NAV3: variants seen among roughly 807,000 people sequenced by gnomAD.
The protein encoded by NAV3 is neuron navigator 3.
NAV3 carries 87 observed loss-of-function variants against 244.7 expected under a neutral mutation model. That is an observed-to-expected ratio of 0.36 (90% confidence interval 0.30 to 0.42). The LOEUF (loss-of-function observed/expected upper bound fraction) is 0.42. Ranked by LOEUF, NAV3 falls within the 20% of genes least tolerant of loss-of-function variation. NAV3 has a pLI of 1.00. For synonymous variants in NAV3, 1,126 were observed against 1,042.2 expected, an observed-to-expected ratio of 1.08 and a Z score of -1.55; for missense variants, 2,663 against 2,893.3, an observed-to-expected ratio of 0.92 and a Z score of 1.83.
intron 9 of NAV3, chr12:78,036,835 A>G (rs569273801): frequency 1.4e-4 from 95 of 655,984 alleles, no homozygotes; most frequent in African/African-American, 6.5e-4. Context: ...ATGAAGTCCA[A>G]TTGAAAGGAA....
intron 1 of NAV3, among the ~76,000 whole-genome samples, chr12:77,853,200 G>A (rs1485337881): frequency 1.3e-5 from 2 of 152,118 alleles, no homozygotes; most frequent in Non-Finnish European, 2.9e-5. Context: ...TGATTTTGTT[G>A]TAGTTTTAAG....
chr12:77,928,966 G>A (rs1188039843), intron 1 of NAV3, among the ~76,000 whole-genome samples: 1 of 152,182 alleles, frequency 6.6e-6, no homozygotes, highest in Non-Finnish European at 1.5e-5. Context: ...GAGTTCAGGA[G>A]GTCAATGTTG....
intron 12 of NAV3, among the ~76,000 whole-genome samples, chr12:78,095,464 G>C (rs148602888): frequency 6.6e-6 from 1 of 151,916 alleles, no homozygotes; most frequent in Non-Finnish European, 1.5e-5. Context: ...GTGACTATTC[G>C]TAGGTAAACA....
chr12:77,886,443 C>T (rs1883295197), intron 1 of NAV3, among the ~76,000 whole-genome samples: 1 of 152,120 alleles, frequency 6.6e-6, no homozygotes, highest in African/African-American at 2.4e-5. Context: ...GAATCTAAAT[C>T]CCTCAAGGAT....
At chr12:78,173,125 C>T (rs937280526) in intron 24 of NAV3, among the ~76,000 whole-genome samples, 2 of 151,498 alleles carry the variant, frequency 1.3e-5, no homozygotes, top group Non-Finnish European at 3.0e-5. Flanking sequence ...GATATTCATT[C>T]GGTTAGCCAT....
At chr12:78,189,918 A>G (rs1593979566) in intron 33 of NAV3, 66 bp from the exon 34 acceptor site, 8 of 1,206,258 alleles carry the variant, frequency 6.6e-6, no homozygotes, top group Non-Finnish European at 9.7e-6. Flanking sequence ...GCTGTTTAGC[A>G]TGATATTTTA....
chr12:78,010,881 T>C (rs966450775), intron 8 of NAV3: 1 of 152,072 alleles, frequency 6.6e-6, no homozygotes, highest in South Asian at 2.1e-4. Context: ...AAATGCTTCA[T>C]AGTACTCTTT....
intron 2 of NAV3, among the ~76,000 whole-genome samples, chr12:77,765,229 C>T (rs1249956051): frequency 6.6e-6 from 1 of 152,204 alleles, no homozygotes; most frequent in Non-Finnish European, 1.5e-5. Flanking sequence ...GACCCTTTTG[C>T]CAGCCACTTT....
At chr12:77,984,142 T>C (rs1015593821) in intron 5 of NAV3, among the ~76,000 whole-genome samples, 5 of 152,304 alleles carry the variant, frequency 3.3e-5, no homozygotes, top group South Asian at 2.1e-4. Flanking sequence ...GTGGGACTTA[T>C]GTTGTTGACT....
chr12:77,699,190 G>A (rs1461050057), intron 2 of NAV3, among the ~76,000 whole-genome samples: 2 of 152,066 alleles, frequency 1.3e-5, no homozygotes, highest in Non-Finnish European at 2.9e-5. Flanking sequence ...CACGCTGGCT[G>A]TCTAGGGAGA....
chr12:77,791,794 A>G (rs1446011953), intron 2 of NAV3, among the ~76,000 whole-genome samples: 2 of 152,218 alleles, frequency 1.3e-5, no homozygotes, highest in African/African-American at 4.8e-5. Context: ...TTCACAGACT[A>G]TTTCTTGTTC....
At chr12:77,598,038 T>C (rs990282222) in intron 2 of NAV3, among the ~76,000 whole-genome samples, 35 of 152,078 alleles carry the variant, frequency 2.3e-4, no homozygotes, top group African/African-American at 7.5e-4. Context: ...TCTATTTCAA[T>C]TGTATAACAA....
intron 5 of NAV3, among the ~76,000 whole-genome samples, chr12:77,970,230 C>G (rs138549524): frequency 3.2e-4 from 49 of 152,238 alleles, no homozygotes; most frequent in African/African-American, 1.1e-3. Flanking sequence ...AAATATTTAA[C>G]TTTGTCCACC....
rs115258038 is a variant in NAV3 at position 78,030,251 on chromosome 12, T to C, written c.2023+8389T>C. Reference sequence around the variant, plus strand: ...CAGAATTCTAAAGCTCATGAGATGTTTTCTATATTAATGATGCCTCTCTTT... The same window carrying C: ...CAGAATTCTAAAGCTCATGAGATGTCTTCTATATTAATGATGCCTCTCTTT... On this transcript the variant is annotated intron_variant, in intron 9 of 39. Transcript: ENST00000397909. 3.4e-3 allele frequency among the ~76,000 whole-genome samples: 519 copies of C among 152,274 alleles called. 6 individuals are homozygous for C. The highest frequency in any genetic ancestry group is 0.012 in the African/African-American group (491 of 41,566).
intron 2 of NAV3, among the ~76,000 whole-genome samples, chr12:77,785,058 G>A (rs1870842161): frequency 6.6e-6 from 1 of 152,096 alleles, no homozygotes; most frequent in South Asian, 2.1e-4. Flanking sequence ...ACTCACAAAA[G>A]CAAAATGAGA....
chr12:77,723,729 G>A lies in NAV3; in HGVS notation c.72+151463G>A, dbSNP rs532918559. On this transcript the variant is annotated intron_variant, in intron 2 of 8. Transcript: ENST00000550042. Reference sequence around the variant, plus strand: ...CTTTCTGAGTCTCCACACAGATTTCGAGGAGTTTCTTCTTGGCAATCTTGA... The same window carrying A: ...CTTTCTGAGTCTCCACACAGATTTCAAGGAGTTTCTTCTTGGCAATCTTGA... Among the ~76,000 whole-genome samples, 38 of 135,420 alleles carry A rather than the reference G, an allele frequency of 2.8e-4. No homozygotes were observed. The East Asian group carries it at 4.0e-3, about 14-fold the overall frequency. The allele number at this position is 135,420 out of a possible 152,430, so 88.8% of individuals were successfully genotyped here. A position where few individuals can be genotyped will look rare whatever the true frequency, so the allele number is the denominator to read the frequency against.
intron 2 of NAV3, among the ~76,000 whole-genome samples, chr12:77,717,385 G>A (rs768690137): frequency 6.6e-6 from 1 of 151,956 alleles, no homozygotes; most frequent in Non-Finnish European, 1.5e-5. Context: ...TTGTCCTTAA[G>A]CAACTGGCTT....
chr12:78,070,409 T>C (rs978268271), intron 12 of NAV3, among the ~76,000 whole-genome samples: 12 of 151,924 alleles, frequency 7.9e-5, no homozygotes, highest in Non-Finnish European at 1.8e-4. Flanking sequence ...GAAGTTTTTT[T>C]TTTTTTTTTA....
intron 2 of NAV3, among the ~76,000 whole-genome samples, chr12:77,759,750 C>T (rs150166721): frequency 2.2e-5 from 3 of 139,058 alleles, no homozygotes; most frequent in African/African-American, 8.2e-5. Flanking sequence ...TTGGTGAAGA[C>T]GGTCTGATTT....
Sources: gnomAD v4.1 joint callset for allele counts (sites outside exome capture counted in the v4.1 genomes callset) on GRCh38, gnomAD v4.1.1 for gene constraint, MANE v1.5 for transcripts, NCBI Gene and HGNC (gene_info 2026-07-23, HGNC 2026-07-21) for gene names.